The following VTI1A variants were observed in gnomAD, a reference collection of about 807,000 sequenced individuals.
VTI1A encodes vesicle transport through interaction with t-SNAREs 1A, also known as vesicle transport through interaction with t-SNAREs homolog 1A.
Under a neutral mutation model 34.9 loss-of-function variants are expected in VTI1A, and 22 were observed. That is an observed-to-expected ratio of 0.63 (90% CI 0.45 to 0.90). The LOEUF (loss-of-function observed/expected upper bound fraction) is 0.90. Ranked by LOEUF, VTI1A falls within the 40% of genes least tolerant of loss-of-function variation. The pLI is 0.00. For synonymous variants in VTI1A, 87 were observed against 97.3 expected (o/e 0.89, Z 0.62); for missense variants, 268 against 275.6 (o/e 0.97, Z 0.20).
At chr10:112,836,230 G>A in the VTI1A span, among the ~76,000 whole-genome samples, 1 of 152,180 alleles carries the variant, frequency 6.6e-6, no homozygotes, top group Non-Finnish European at 1.5e-5. Flanking sequence ...GAAGTGCTGG[G>A]GGGTGCAAGT....
At chr10:112,528,038 A>T (rs986494792) in intron 4 of VTI1A, among the ~76,000 whole-genome samples, 2 of 152,162 alleles carry the variant, frequency 1.3e-5, no homozygotes, top group Non-Finnish European at 2.9e-5. Flanking sequence ...AAAATACATG[A>T]TAGGGACCTT....
In VTI1A at chr10:112,789,983, CA is replaced by C. The variant is rs200114546; in HGVS notation, c.561-25306del. Among the ~76,000 whole-genome samples, 748 of 145,488 alleles carry C rather than the reference CA, an allele frequency of 5.1e-3. 5 individuals are homozygous for C. Among genetic ancestry groups the C allele is most frequent in the Non-Finnish European group, 5.6e-3 (372 of 66,282 alleles). On this transcript the variant is annotated intron_variant, in intron 7 of 7. Coordinates refer to ENST00000393077, the MANE Select transcript of VTI1A (RefSeq NM_145206.4). ...TTTTTTTTGGTGGTTGTTATCATGT[CA>C]TTTTTTTGTTGAAAATAGGACATTT...
In VTI1A at chr10:112,794,494, A is replaced by G. The variant is rs535212415; in HGVS notation, c.561-20796A>G. Among the ~76,000 whole-genome samples, 42 of 152,210 alleles carry G rather than the reference A, an allele frequency of 2.8e-4. 1 individual carries two copies. Among genetic ancestry groups the G allele is most frequent in the African/African-American group, 9.6e-4 (40 of 41,556 alleles). ...TTGAGCCCAGGAGGTTGAGGTTGCA[A>G]TGAGCTATAATCACGCTGTTGCACT... is the stretch of plus-strand genomic sequence containing the variant. On this transcript the variant is annotated intron_variant, in intron 7 of 7. Coordinates refer to ENST00000393077, the MANE Select transcript of VTI1A (RefSeq NM_145206.4).
At chr10:112,743,794 T>C (rs1238391966) in intron 7 of VTI1A, among the ~76,000 whole-genome samples, 1 of 152,222 alleles carries the variant, frequency 6.6e-6, no homozygotes, top group Non-Finnish European at 1.5e-5. Context: ...TTATTTCGGT[T>C]ATATACATTT....
chr10:112,621,835 T>C (rs1845748807), intron 5 of VTI1A, among the ~76,000 whole-genome samples: 1 of 152,226 alleles, frequency 6.6e-6, no homozygotes, highest in Non-Finnish European at 1.5e-5. Flanking sequence ...GGGAACATTA[T>C]GCTTTTTTTG....
At chr10:112,699,558 C>T (rs1848915923) in intron 7 of VTI1A, among the ~76,000 whole-genome samples, 1 of 152,250 alleles carries the variant, frequency 6.6e-6, no homozygotes, top group Non-Finnish European at 1.5e-5. Context: ...AGGAGCCGGG[C>T]ATGGTGGCTC....
At chr10:112,790,849 G>A (rs1450691007) in intron 7 of VTI1A, among the ~76,000 whole-genome samples, 1 of 148,952 alleles carries the variant, frequency 6.7e-6, no homozygotes, top group Non-Finnish European at 1.5e-5. Flanking sequence ...GAAGTCCCCT[G>A]GTAGGAGGAT....
chr10:112,728,742 G>A (rs1850138975), intron 7 of VTI1A, among the ~76,000 whole-genome samples: 1 of 152,176 alleles, frequency 6.6e-6, no homozygotes, highest in Non-Finnish European at 1.5e-5. Context: ...AACAACAAAT[G>A]TTCACTGCAC....
At chr10:112,776,326 C>T (rs1851955512) in intron 7 of VTI1A, among the ~76,000 whole-genome samples, 1 of 152,180 alleles carries the variant, frequency 6.6e-6, no homozygotes. Context: ...TGAACTCCTT[C>T]ATTACAGCTT....
chr10:112,541,212 C>T (rs1850856366), intron 5 of VTI1A, among the ~76,000 whole-genome samples: 1 of 151,724 alleles, frequency 6.6e-6, no homozygotes, highest in Non-Finnish European at 1.5e-5. Context: ...TACTTGACCA[C>T]AAAATTAGGA....
chr10:112,627,855 T>G (rs571398983), intron 5 of VTI1A, among the ~76,000 whole-genome samples: 1 of 152,184 alleles, frequency 6.6e-6, no homozygotes, highest in South Asian at 2.1e-4. Context: ...TAATGATATA[T>G]AATATAAAGT....
At chr10:112,512,033 A>G (rs979526836) in intron 3 of VTI1A, among the ~76,000 whole-genome samples, 1 of 152,204 alleles carries the variant, frequency 6.6e-6, no homozygotes, top group East Asian at 1.9e-4. Flanking sequence ...ATGCTAGTGC[A>G]GGTATCTCTT....
chr10:112,837,646 T>C, the VTI1A span, among the ~76,000 whole-genome samples: 4 of 152,136 alleles, frequency 2.6e-5, no homozygotes, highest in Non-Finnish European at 5.9e-5. Flanking sequence ...GAGGGCTTGG[T>C]CTGGAAGGTT....
intron 7 of VTI1A, among the ~76,000 whole-genome samples, chr10:112,705,001 G>T (rs1849143950): frequency 6.6e-6 from 1 of 151,824 alleles, no homozygotes; most frequent in Non-Finnish European, 1.5e-5. Flanking sequence ...CAATCCTCCT[G>T]CCCCAGCCTC....
intron 7 of VTI1A, among the ~76,000 whole-genome samples, chr10:112,794,481 G>A (rs1852603732): frequency 6.6e-6 from 1 of 152,096 alleles, no homozygotes; most frequent in Non-Finnish European, 1.5e-5. Flanking sequence ...GAGCCCAGGA[G>A]GTTGAGGTTG....
At chr10:112,530,171 T>G (rs1850369097) in intron 4 of VTI1A, among the ~76,000 whole-genome samples, 1 of 152,154 alleles carries the variant, frequency 6.6e-6, no homozygotes, top group South Asian at 2.1e-4. Context: ...TTCAATCAAA[T>G]ATAGCTAATG....
the VTI1A span, among the ~76,000 whole-genome samples, chr10:112,854,729 G>A: frequency 3.3e-5 from 5 of 152,210 alleles, no homozygotes; most frequent in Admixed American, 6.5e-5. Flanking sequence ...AAGAAAACCA[G>A]TGTCTGGAAT....
intron 3 of VTI1A, among the ~76,000 whole-genome samples, chr10:112,517,076 G>A (rs1356126949): frequency 6.6e-6 from 1 of 152,020 alleles, no homozygotes; most frequent in African/African-American, 2.4e-5. Context: ...GGCTAAGGAC[G>A]GAGACCTAGG....
intron 7 of VTI1A, among the ~76,000 whole-genome samples, chr10:112,781,002 C>T (rs1164267012): frequency 1.3e-5 from 2 of 152,150 alleles, no homozygotes; most frequent in Non-Finnish European, 2.9e-5. Flanking sequence ...CTCTGTTGCC[C>T]AGGCTGATCT....
Sources: gnomAD v4.1 joint callset for allele counts (sites outside exome capture counted in the v4.1 genomes callset) on GRCh38, gnomAD v4.1.1 for gene constraint, MANE v1.5 for transcripts, NCBI Gene and HGNC (gene_info 2026-07-23, HGNC 2026-07-21) for gene names.